Variants in RORA observed in about 807,000 individuals in gnomAD.
RORA encodes nuclear receptor ROR-alpha.
In RORA, 7 loss-of-function variants were observed where a neutral mutation model predicts 69.5. That is an observed-to-expected ratio of 0.10 (90% CI 0.06 to 0.19). The LOEUF is 0.19. Among genes scored for constraint, RORA ranks in the 10% least tolerant of loss-of-function variants. The pLI is 1.00. For missense variants in RORA, 457 were observed against 663.0 expected, an observed-to-expected ratio of 0.69 and a Z score of 3.41; for synonymous variants, 261 against 240.8, an observed-to-expected ratio of 1.08 and a Z score of -0.78.
In RORA at chr15:61,020,622, A is replaced by C. The variant is rs1334104251; in HGVS notation, c.166+208431T>G. 3.9e-5 allele frequency among the ~76,000 whole-genome samples: 6 copies of C among 152,338 alleles called. No individual in the cohort carries two copies. The East Asian group carries it at 1.2e-3, about 29-fold the overall frequency. On this transcript the variant is annotated intron_variant, in intron 1 of 10. Transcript: ENST00000335670. The stretch of plus-strand genomic sequence containing the variant: ...TCACCCTCAGAGAGACTGATCAAAG[A>C]ATATCAACAAAAGGCCCTTCACATC...
intron 10 of RORA, 65 bp from the exon 11 acceptor site, chr15:60,497,684 C>A: frequency 7.8e-7 from 1 of 1,276,738 alleles, no homozygotes; most frequent in East Asian, 2.3e-5. Flanking sequence ...GATCAGGGAA[C>A]CTGAATGATC....
At position 61,189,840 on chromosome 15, in the gene RORA, G is replaced by C. The variant is rs546270965; in HGVS notation, c.166+39213C>G. ...CCACCGCACTCCAGCCTGGGTGACA[G>C]AGCGAGACTCTGTCTCAAAAAAAAA... On this transcript the variant is annotated intron_variant, in intron 1 of 10. Coordinates refer to ENST00000335670, the MANE Select transcript of RORA (RefSeq NM_134261.3). 2.5e-3 allele frequency among the ~76,000 whole-genome samples: 276 copies of C among 112,406 alleles called. 5 individuals are homozygous for C. The Admixed American group carries it at 0.031, about 13-fold the overall frequency. 73.7% of individuals were successfully genotyped at this position (112,406 alleles called of 152,430 possible). A position where few individuals can be genotyped will look rare whatever the true frequency, so the allele number is the denominator to read the frequency against.
intron 1 of RORA, among the ~76,000 whole-genome samples, chr15:61,112,063 A>G (rs1217218283): frequency 6.6e-6 from 1 of 152,190 alleles, no homozygotes; most frequent in African/African-American, 2.4e-5. Flanking sequence ...TAAACTCCAC[A>G]CTATTCAAAG....
intron 2 of RORA, among the ~76,000 whole-genome samples, chr15:60,573,785 TTGTGCTCCTCCTC>T: frequency 6.6e-6 from 1 of 152,256 alleles, no homozygotes; most frequent in Non-Finnish European, 1.5e-5. Flanking sequence ...TCAGTCTGAT[TTGTGCTCCTCCTC>T]TGTGCTCCTA....
At chr15:61,122,292 G>A (rs577276347) in intron 1 of RORA, among the ~76,000 whole-genome samples, 2 of 152,258 alleles carry the variant, frequency 1.3e-5, no homozygotes, top group African/African-American at 4.8e-5. Flanking sequence ...CTTCTATTGT[G>A]GAGAAGACTG....
At chr15:60,839,915 G>T (rs2073173588) in intron 1 of RORA, among the ~76,000 whole-genome samples, 1 of 152,204 alleles carries the variant, frequency 6.6e-6, no homozygotes, top group African/African-American at 2.4e-5. Flanking sequence ...TTTGCTGTTT[G>T]CCTATTTAAA....
chr15:61,001,655 G>C (rs1894750058), intron 1 of RORA, among the ~76,000 whole-genome samples: 1 of 152,174 alleles, frequency 6.6e-6, no homozygotes, highest in African/African-American at 2.4e-5. Context: ...ATACAGTAGG[G>C]GAAGCCAACA....
At chr15:60,970,031 AAAG>A (rs1264762146) in intron 1 of RORA, among the ~76,000 whole-genome samples, 3 of 152,148 alleles carry the variant, frequency 2.0e-5, no homozygotes, top group African/African-American at 7.2e-5. Flanking sequence ...CTCTCTCCAA[AAAG>A]AAGCGGGGAA....
At chr15:60,544,113 T>C (rs1298784394) in intron 2 of RORA, among the ~76,000 whole-genome samples, 1 of 152,188 alleles carries the variant, frequency 6.6e-6, no homozygotes, top group Non-Finnish European at 1.5e-5. Context: ...ATTCACCAAA[T>C]GCCTGTAACG....
intron 1 of RORA, among the ~76,000 whole-genome samples, chr15:61,143,650 T>C (rs1438759684): frequency 1.3e-5 from 2 of 152,182 alleles, no homozygotes; most frequent in Non-Finnish European, 2.9e-5. Flanking sequence ...TATAATAAAG[T>C]TGACATTTCA....
At chr15:60,939,875 A>AC (rs565184068) in intron 1 of RORA, among the ~76,000 whole-genome samples, 28 of 152,314 alleles carry the variant, frequency 1.8e-4, no homozygotes, top group African/African-American at 6.5e-4. Flanking sequence ...GCACATTTCT[A>AC]CAAGGCAAGA....
chr15:60,836,255 T>G (rs974594770), intron 1 of RORA, among the ~76,000 whole-genome samples: 9 of 152,168 alleles, frequency 5.9e-5, no homozygotes, highest in African/African-American at 2.2e-4. Flanking sequence ...CTCAAAGATC[T>G]GGGCTGGCCA....
chr15:60,802,975 G>A (rs1039907976), intron 1 of RORA, among the ~76,000 whole-genome samples: 6 of 151,988 alleles, frequency 3.9e-5, no homozygotes, highest in Non-Finnish European at 7.4e-5. Flanking sequence ...AAAATTTAAA[G>A]CCATACCACT....
At chr15:60,686,497 G>A (rs201678513) in intron 1 of RORA, among the ~76,000 whole-genome samples, 2 of 152,114 alleles carry the variant, frequency 1.3e-5, no homozygotes, top group Non-Finnish European at 2.9e-5. Flanking sequence ...CTATCCATTC[G>A]ATATTACCTG....
chr15:60,759,179 T>C (rs1003466874), intron 1 of RORA, among the ~76,000 whole-genome samples: 4 of 152,218 alleles, frequency 2.6e-5, no homozygotes, highest in African/African-American at 9.6e-5. Flanking sequence ...TATGGCCTCA[T>C]GTAACAAAAA....
At chr15:61,070,266 C>T (rs549213877) in intron 1 of RORA, among the ~76,000 whole-genome samples, 1 of 152,304 alleles carries the variant, frequency 6.6e-6, no homozygotes, top group South Asian at 2.1e-4. Flanking sequence ...GGTTTTCACA[C>T]ACACCCGTAT....
At chr15:61,028,366 G>A (rs1418099851) in intron 1 of RORA, among the ~76,000 whole-genome samples, 2 of 152,044 alleles carry the variant, frequency 1.3e-5, no homozygotes, top group East Asian at 3.9e-4. Flanking sequence ...TCATACAAAC[G>A]GTCTAGATAA....
In RORA at chr15:60,496,243, G is replaced by T. The variant is rs890497981; in HGVS notation, c.*1212C>A. ...AACATTCACAAAGTAAATACTTCAT[G>T]TCCTCACATGGGGAGTGTGCATTTG... On this transcript the variant is annotated 3_prime_UTR_variant, in exon 11 of 11. Transcript: ENST00000335670. This position sits in a 1 kb window ranked among gnomAD's most constrained non-coding sequence, Gnocchi z 4.5. 2 of 152,110 alleles carry T rather than the reference G, an allele frequency of 1.3e-5. No individual in the cohort carries two copies. The highest frequency in any genetic ancestry group is 4.8e-5 in the African/African-American group (2 of 41,418). 9.4% of individuals were successfully genotyped at this position (152,110 alleles called of 1,614,324 possible).
At chr15:61,080,485 T>C (rs1275200932) in intron 1 of RORA, among the ~76,000 whole-genome samples, 2 of 152,142 alleles carry the variant, frequency 1.3e-5, no homozygotes, top group East Asian at 1.9e-4. Context: ...AGAAGGCGAA[T>C]GGATGAATGC....
Sources: gnomAD v4.1 joint callset for allele counts (sites outside exome capture counted in the v4.1 genomes callset) on GRCh38, gnomAD v4.1.1 for gene constraint, Gnocchi (gnomAD v3.1) non-coding constraint, MANE v1.5 for transcripts, NCBI Gene and HGNC (gene_info 2026-07-23, HGNC 2026-07-21) for gene names.